OCA2: variants seen among roughly 807,000 people sequenced by gnomAD.
OCA2 encodes the protein OCA2 melanosomal transmembrane protein, also known as P protein.
Under a neutral mutation model 100.2 loss-of-function variants are expected in OCA2, and 77 were observed. That is an observed-to-expected ratio of 0.77 (90% confidence interval 0.64 to 0.93). The LOEUF (loss-of-function observed/expected upper bound fraction) is 0.93. Ranked by LOEUF, OCA2 falls within the 40% of genes least tolerant of loss-of-function variation. OCA2 has a pLI of 0.00. For synonymous variants in OCA2, 432 were observed against 439.2 expected (o/e 0.98, Z 0.21); for missense variants, 1,062 against 1,089.1 (o/e 0.98, Z 0.35).
intron 23 of OCA2, among the ~76,000 whole-genome samples, chr15:27,819,824 G>T (rs1485428013): frequency 6.6e-6 from 1 of 152,152 alleles, no homozygotes; most frequent in Non-Finnish European, 1.5e-5. Flanking sequence ...AGCACACCTA[G>T]ATCCCAGATC....
chr15:27,855,077 T>G (rs1051426839), intron 21 of OCA2, among the ~76,000 whole-genome samples: 1 of 152,168 alleles, frequency 6.6e-6, no homozygotes, highest in African/African-American at 2.4e-5. Context: ...AAAAGTATGC[T>G]CTGACATTGT....
intron 19 of OCA2, among the ~76,000 whole-genome samples, chr15:27,913,863 G>A (rs1247054226): frequency 2.3e-5 from 1 of 44,352 alleles, no homozygotes; most frequent in Non-Finnish European, 3.8e-5. Context: ...AAGAAAGAAA[G>A]AAAGAAAGAA....
intron 19 of OCA2, among the ~76,000 whole-genome samples, chr15:27,879,084 C>T (rs1425085377): frequency 6.6e-6 from 1 of 152,150 alleles, no homozygotes; most frequent in African/African-American, 2.4e-5. Flanking sequence ...TCGGCTCCCA[C>T]TTATAAATGA....
At chr15:27,894,435 G>A (rs1296905386) in intron 19 of OCA2, among the ~76,000 whole-genome samples, 2 of 152,148 alleles carry the variant, frequency 1.3e-5, no homozygotes, top group Non-Finnish European at 2.9e-5. Context: ...CTGGACGAGT[G>A]GAAATACTGG....
In OCA2 at chr15:27,861,848, C is replaced by T. The variant is rs972429130; in HGVS notation, c.2244+9306G>A. ...TGGAGACACGGCAGCAAGTCTGGAT[C>T]CGCCTGCGAATGATCAGCAGAGTGA... On this transcript the variant is annotated intron_variant, in intron 21 of 23. Transcript: ENST00000354638. 4.6e-5 allele frequency among the ~76,000 whole-genome samples: 7 copies of T among 152,058 alleles called. No individual in the cohort carries two copies. The South Asian group carries it at 1.0e-3, about 23-fold the overall frequency.
At chr15:28,037,295 A>C (rs986242069) in intron 2 of OCA2, among the ~76,000 whole-genome samples, 1 of 151,918 alleles carries the variant, frequency 6.6e-6, no homozygotes, top group Non-Finnish European at 1.5e-5. Flanking sequence ...GTCCCTCTAC[A>C]CCCAGGTCAG....
intron 23 of OCA2, among the ~76,000 whole-genome samples, chr15:27,769,113 C>T (rs933726632): frequency 4.6e-5 from 7 of 152,176 alleles, no homozygotes; most frequent in African/African-American, 1.7e-4. Flanking sequence ...CTCAAGGCAA[C>T]AATCTCAACC....
In OCA2 at chr15:28,014,943, CA is replaced by C. The variant is rs761495886; in HGVS notation, c.891-15del. ...GACACCGTCTCTCTGCAGAACGAAACAACGACCTTACTGTTCACAAGGTCAA... is the reference window on the plus strand; with the variant it reads ...GACACCGTCTCTCTGCAGAACGAAACACGACCTTACTGTTCACAAGGTCAA... On this transcript the variant is annotated splice_polypyrimidine_tract_variant and intron_variant, in intron 8 of 23. Transcript: ENST00000354638. 2.5e-6 allele frequency: 4 copies of C among 1,614,032 alleles called. No homozygotes were observed. The highest frequency in any genetic ancestry group is 3.4e-6 in the Non-Finnish European group (4 of 1,179,998).
chr15:27,898,061 C>T (rs2037781275), intron 19 of OCA2, among the ~76,000 whole-genome samples: 1 of 152,160 alleles, frequency 6.6e-6, no homozygotes, highest in Non-Finnish European at 1.5e-5. Context: ...CTTGTACCCC[C>T]ATTATATCTA....
In OCA2 at chr15:27,843,761, A is replaced by C. The variant is rs143971663; in HGVS notation, c.2432+1198T>G. 3.5e-3 allele frequency among the ~76,000 whole-genome samples: 533 copies of C among 152,228 alleles called. 3 individuals are homozygous for C. The highest frequency in any genetic ancestry group is 0.012 in the African/African-American group (489 of 41,540). On this transcript the variant is annotated intron_variant, in intron 23 of 23. Coordinates refer to ENST00000354638, the MANE Select transcript of OCA2 (RefSeq NM_000275.3). ...TGGCCAATATAATAAGTCTGGCAAA[A>C]TCCAACGTGCTAGTGTTCAAAGAGC...
chr15:28,014,881 A>C lies in OCA2; in HGVS notation c.939T>G (p.Ala313=), dbSNP rs750719842. 1 of 1,614,204 alleles carries C rather than the reference A, an allele frequency of 6.2e-7. No homozygotes were observed. The highest frequency in any genetic ancestry group is 1.7e-5 in the Admixed American group (1 of 60,026). ...SIRASLQQTQ[A]VPLLMAHQYL... The stretch of plus-strand genomic sequence containing the variant: ...ACTGATGAGCCATCAAAAGAGGGAC[A>C]GCCTGGGTCTGCTGCAGGGAGGCCC... Residue 313 remains alanine (A), a synonymous_variant, in exon 9 of 24, where the codon GCT becomes GCG. Transcript: ENST00000354638.
intron 15 of OCA2, among the ~76,000 whole-genome samples, chr15:27,963,331 A>G (rs1408083772): frequency 6.6e-6 from 1 of 152,162 alleles, no homozygotes; most frequent in Non-Finnish European, 1.5e-5. Flanking sequence ...AGAGCAGAAT[A>G]CGTTTTCATT....
intron 9 of OCA2, among the ~76,000 whole-genome samples, chr15:27,990,916 A>G (rs185544617): frequency 3.3e-5 from 5 of 152,360 alleles, no homozygotes; most frequent in Admixed American, 3.3e-4. Flanking sequence ...AGTATGTTCT[A>G]TGAGAAAGGC....
the OCA2 span, among the ~76,000 whole-genome samples, chr15:27,742,633 G>C: frequency 5.0e-4 from 76 of 152,330 alleles, no homozygotes; most frequent in African/African-American, 1.6e-3. Flanking sequence ...GGCAAAACAC[G>C]AGGAAAGGAT....
chr15:27,852,006 C>T (rs149394084), intron 21 of OCA2, among the ~76,000 whole-genome samples: 27 of 152,284 alleles, frequency 1.8e-4, no homozygotes, highest in African/African-American at 4.6e-4. Flanking sequence ...CCACTTATCA[C>T]GGCTGCTCCC....
chr15:27,846,899 C>T (rs2035558072), intron 22 of OCA2, among the ~76,000 whole-genome samples: 1 of 152,114 alleles, frequency 6.6e-6, no homozygotes, highest in African/African-American at 2.4e-5. Flanking sequence ...AAGGGAGATG[C>T]GGCTGAGGAC....
At chr15:27,798,330 T>C (rs2033437616) in intron 23 of OCA2, among the ~76,000 whole-genome samples, 1 of 152,210 alleles carries the variant, frequency 6.6e-6, no homozygotes, top group South Asian at 2.1e-4. Context: ...TTTTTGGTGA[T>C]ACTTTTTCCC....
chr15:27,850,809 C>T (rs1284664404), intron 22 of OCA2, among the ~76,000 whole-genome samples: 1 of 152,162 alleles, frequency 6.6e-6, no homozygotes, highest in East Asian at 1.9e-4. Context: ...GGTGATCAGG[C>T]TTCTTAGCTG....
intron 19 of OCA2, among the ~76,000 whole-genome samples, chr15:27,905,809 C>T (rs933422879): frequency 4.6e-5 from 7 of 152,114 alleles, no homozygotes; most frequent in Non-Finnish European, 8.8e-5. Flanking sequence ...CTATCAGGAG[C>T]GGAAATGTCA....
Sources: gnomAD v4.1 joint callset for allele counts (sites outside exome capture counted in the v4.1 genomes callset) on GRCh38, gnomAD v4.1.1 for gene constraint, MANE v1.5 for transcripts, NCBI Gene and HGNC (gene_info 2026-07-23, HGNC 2026-07-21) for gene names.